The following PKD1 variants were observed in gnomAD, a reference collection of about 807,000 sequenced individuals.
PKD1 encodes polycystin-1.
PKD1 carries 81 observed loss-of-function variants against 361.7 expected under a neutral mutation model. That is an observed-to-expected ratio of 0.22 (90% confidence interval 0.19 to 0.27). The LOEUF (loss-of-function observed/expected upper bound fraction) is 0.27. PKD1 is among the 10% of genes least tolerant of loss of function. The pLI, the probability that PKD1 is intolerant of heterozygous loss-of-function variation, is 1.00. For missense variants in PKD1, 6,399 were observed against 6,118.3 expected, an observed-to-expected ratio of 1.05 and a Z score of -1.53; for synonymous variants, 3,615 against 2,818.3, an observed-to-expected ratio of 1.28 and a Z score of -8.95.
In PKD1 at chr16:2,115,460, C is replaced by A. The variant is rs1479167632; in HGVS notation, c.2015G>T (p.Gly672Val). ...ATAGGGGGCCCCGGGTAGCCCTGGCCCTGACGTGCAGCCATTGGCGCAGGC... is the reference window on the plus strand; with the variant it reads ...ATAGGGGGCCCCGGGTAGCCCTGGCACTGACGTGCAGCCATTGGCGCAGGC... ...PQACANGCTS[G>V]PGLPGAPYAL... Residue 672 changes from glycine to valine, a missense_variant, in exon 10 of 46, where the codon GGG (glycine) becomes GTG (valine). Physicochemically the swap from Gly to Val is moderately radical, Grantham distance 109 (BLOSUM62 -3). Transcript: ENST00000262304. 6.2e-7 allele frequency: 1 copy of A among 1,600,816 alleles called. No homozygotes were observed.
rs2092463765 is a variant in PKD1 at position 2,110,187 on chromosome 16, G to T, written c.4980C>A (p.Thr1660=). 6.2e-7 allele frequency: 1 copy of T among 1,611,164 alleles called. No individual in the cohort carries two copies. The highest frequency in any genetic ancestry group is 1.7e-5 in the Admixed American group (1 of 59,978). The change falls in exon 15 of 46, where the codon ACC becomes ACA. Residue 1660 remains threonine (T), a synonymous_variant. Coordinates refer to ENST00000262304, the MANE Select transcript of PKD1 (RefSeq NM_001009944.3). The stretch of plus-strand genomic sequence containing the variant: ...AGGCAGTCCAGCTGTAGGAGACGTT[G>T]GTGCCATCCCTAACCACGGCCTGCA... ...VQLQAVVRDG[T]NVSYSWTAWR... is the part of the protein sequence containing the mutation.
At position 2,090,532 on chromosome 16, in the gene PKD1, C is replaced by A. The variant is rs750086263; in HGVS notation, c.12197G>T (p.Cys4066Phe). ...WSVAQALLVLCPGTGLSTLCP... is the reference protein window; with the variant it reads ...WSVAQALLVLFPGTGLSTLCP... ...CAGGGTAGAGAGCCCAGTCCCAGGG[C>A]ACAGCACCAACAGGGCCTGGGCCAC... The change falls in exon 45 of 46, where the codon TGC becomes TTC. Residue 4066 changes from cysteine (C) to phenylalanine (F), a missense_variant. Transcript: ENST00000262304. The A allele has an allele frequency of 6.2e-7, 1 of 1,610,468 alleles. No homozygotes were observed. Among genetic ancestry groups the A allele is most frequent in the South Asian group, 1.1e-5 (1 of 90,966 alleles).
rs772869773 is a variant in PKD1 at position 2,090,326 on chromosome 16, G to A, written c.12403C>T (p.Arg4135Cys). The A allele has an allele frequency of 1.7e-5, 27 of 1,612,002 alleles. No individual in the cohort carries two copies. Among genetic ancestry groups the A allele is most frequent in the South Asian group, 6.6e-5 (6 of 91,052 alleles). The change falls in exon 45 of 46, where the codon CGC becomes TGC. Residue 4135 changes from arginine (R) to cysteine (C), a missense_variant. Arg to Cys is a radical substitution (Grantham distance 180). Coordinates refer to ENST00000262304, the MANE Select transcript of PKD1 (RefSeq NM_001009944.3). ...QDYEMVELFL[R>C]RLRLWMGLSK... is the part of the protein sequence containing the mutation. ...AGGCCCATCCAGAGGCGCAGCCTGC[G>A]CAGGAACAACTCCACCATCTCGTAG...
Position 2,135,655 on chromosome 16 carries a change from G to A in PKD1, c.35C>T (p.Ala12Val). 2 of 795,104 alleles carry A rather than the reference G, an allele frequency of 2.5e-6. No homozygotes were observed. Among genetic ancestry groups the A allele is most frequent in the Non-Finnish European group, 1.5e-6 (1 of 657,624 alleles). The allele number at this position is 795,104 out of a possible 1,614,324, so 49.3% of individuals were successfully genotyped here. A position where few individuals can be genotyped will look rare whatever the true frequency, so the allele number is the denominator to read the frequency against. ...CCCGAGCCACAGGCCCAGGCCCAGG[G>A]CCAGCGCCAGGCGGGCGGGCGCGGC... The part of the protein sequence containing the change: ...PPAAPARLAL[A>V]LGLGLWLGAL... Residue 12 changes from alanine to valine, a missense_variant, in exon 1 of 46, where the codon GCC becomes GTC. Coordinates refer to ENST00000262304, the MANE Select transcript of PKD1 (RefSeq NM_001009944.3).
At chr16:2,095,344 C>G (rs535211470) in intron 34 of PKD1, 1 of 152,282 alleles carries the variant, frequency 6.6e-6, no homozygotes, top group Non-Finnish European at 1.5e-5. Flanking sequence ...ACGTGGGAGG[C>G]AGACTTTGCA....
intron 1 of PKD1, among the ~76,000 whole-genome samples, chr16:2,124,385 G>C (rs1258259553): frequency 1.3e-5 from 2 of 152,236 alleles, no homozygotes; most frequent in Non-Finnish European, 2.9e-5. Flanking sequence ...CTCCCCCTGG[G>C]CTCTGCCCAC....
chr16:2,110,754 G>A lies in PKD1; in HGVS notation c.4413C>T (p.Ile1471=). The change falls in exon 15 of 46, where the codon ATC becomes ATT. Residue 1471 remains isoleucine, a synonymous_variant. Coordinates refer to ENST00000262304, the MANE Select transcript of PKD1 (RefSeq NM_001009944.3). Reference sequence around the variant, plus strand: ...CCAGCCCAAGGGAGCCATTGACCTTGATGCTGGTGACCAGCACGGGCTCCT... The same window carrying A: ...CCAGCCCAAGGGAGCCATTGACCTTAATGCTGGTGACCAGCACGGGCTCCT... The part of the protein sequence containing the change: ...EVQEPVLVTS[I]KVNGSLGLEL... The A allele has an allele frequency of 1.2e-6, 2 of 1,610,540 alleles. No homozygotes were observed. The highest frequency in any genetic ancestry group is 1.1e-5 in the South Asian group (1 of 90,988).
rs374701548 is a variant in PKD1, at chr16:2,090,677, G to A, written c.12135C>T (p.Ile4045=). ...VLGVAYAQLA[I]LLVSSCVDSL... is the part of the protein sequence containing the mutation. ...CCCCGGCCGCGCAGTCACCTACCAG[G>A]ATGGCCAGCTGGGCGTAGGCTACCC... is the stretch of plus-strand genomic sequence containing the variant. The change falls in exon 44 of 46, where the codon ATC becomes ATT. Residue 4045 remains isoleucine, a synonymous_variant. Transcript: ENST00000262304. 5.6e-6 allele frequency: 9 copies of A among 1,611,990 alleles called. No individual in the cohort carries two copies. The highest frequency in any genetic ancestry group is 1.6e-4 in the Middle Eastern group (1 of 6,084).
chr16:2,089,534 G>C lies in PKD1; in HGVS notation c.*193C>G. 1.5e-6 allele frequency: 1 copy of C among 652,010 alleles called. No homozygotes were observed. The highest frequency in any genetic ancestry group is 2.7e-6 in the Non-Finnish European group (1 of 376,800). 40.4% of individuals were successfully genotyped at this position (652,010 alleles called of 1,614,324 possible). On this transcript the variant is annotated 3_prime_UTR_variant, in exon 46 of 46. Transcript: ENST00000262304. ...GTCCTTCCCAAGGGAGCTGGGGAGGGGACCCTGGGTCCTGGTTGGCCACAC... is the reference window on the plus strand; with the variant it reads ...GTCCTTCCCAAGGGAGCTGGGGAGGCGACCCTGGGTCCTGGTTGGCCACAC...
chr16:2,091,996 A>G (rs917172938), intron 40 of PKD1, 51 bp downstream of exon 40: 2 of 1,612,454 alleles, frequency 1.2e-6, no homozygotes, highest in African/African-American at 1.3e-5. Flanking sequence ...ACTCCTGGAG[A>G]ACTACTCCCT....
chr16:2,125,715 G>A (rs1195764400), intron 1 of PKD1, among the ~76,000 whole-genome samples: 5 of 151,974 alleles, frequency 3.3e-5, no homozygotes, highest in African/African-American at 4.8e-5. Context: ...GCTACCTGCC[G>A]CTGGGGTCGG....
chr16:2,097,853 C>T lies in PKD1; in HGVS notation c.10167+15G>A, dbSNP rs1567165727. On this transcript the variant is annotated intron_variant, in intron 31 of 45. Coordinates refer to ENST00000262304, the MANE Select transcript of PKD1 (RefSeq NM_001009944.3). ...GACCCCCAGCCCAGCCCAGGACCCC[C>T]AGTAGAGTCCTCACCTCAGCGTGGA... The T allele has an allele frequency of 1.9e-6, 3 of 1,605,764 alleles. No homozygotes were observed. In the African/African-American group the frequency reaches 4.0e-5, roughly 21 times the overall value.
At chr16:2,127,631 G>T (rs914221755) in intron 1 of PKD1, among the ~76,000 whole-genome samples, 5 of 151,884 alleles carry the variant, frequency 3.3e-5, no homozygotes, top group African/African-American at 1.2e-4. Context: ...AACCGACAGA[G>T]CTACTTTAAC....
intron 32 of PKD1, 63 bp from the exon 33 acceptor site, chr16:2,097,566 C>A: frequency 1.2e-6 from 2 of 1,604,922 alleles, no homozygotes; most frequent in Non-Finnish European, 1.7e-6. Context: ...CCACCCCCGT[C>A]CAGTCACGCA....
intron 1 of PKD1, among the ~76,000 whole-genome samples, chr16:2,120,467 G>A (rs907235443): frequency 6.6e-6 from 1 of 152,198 alleles, no homozygotes; most frequent in Non-Finnish European, 1.5e-5. Context: ...GCTTATGCCT[G>A]TAAACCCAGT....
At position 2,135,535 on chromosome 16, in the gene PKD1, G is replaced by C. The variant is rs2092940490; in HGVS notation, c.155C>G (p.Ser52Trp). The change falls in exon 1 of 46, where the codon TCG (serine) becomes TGG (tryptophan). Residue 52 changes from serine (S) to tryptophan (W), a missense_variant. Physicochemically the swap from Ser to Trp is radical, Grantham distance 177 (BLOSUM62 -3). Transcript: ENST00000262304. ...ACCGAGCGTCCGCAGCCCGCGGCCC[G>C]AGCAGTTGACGCGGCAGGCGGCGCC... ...APGAACRVNC[S>W]GRGLRTLGPA... 8.6e-7 allele frequency: 1 copy of C among 1,158,100 alleles called. No individual in the cohort carries two copies. Among genetic ancestry groups the C allele is most frequent in the Non-Finnish European group, 1.1e-6 (1 of 940,638 alleles). 71.7% of individuals were successfully genotyped at this position (1,158,100 alleles called of 1,614,324 possible). A position where few individuals can be genotyped will look rare whatever the true frequency, so the allele number is the denominator to read the frequency against.
In PKD1 at chr16:2,100,889, G is replaced by A. The variant is rs1363055816; in HGVS notation, c.9398-323C>T. ...ACGCCTCAGTCATGCCACAACCGGT[G>A]ACCCGCACCACACACCCGTCCCTCA... is the stretch of plus-strand genomic sequence containing the variant. On this transcript the variant is annotated intron_variant, in intron 26 of 45. Transcript: ENST00000262304. This position sits in a 1 kb window ranked among gnomAD's most constrained non-coding sequence, Gnocchi z 4.4. 2.2e-6 allele frequency: 1 copy of A among 452,412 alleles called. No homozygotes were observed. The highest frequency in any genetic ancestry group is 3.5e-5 in the Admixed American group (1 of 28,560). 28.0% of individuals were successfully genotyped at this position (452,412 alleles called of 1,614,324 possible).
intron 1 of PKD1, among the ~76,000 whole-genome samples, chr16:2,126,672 G>C (rs1009868427): frequency 2.6e-5 from 4 of 152,256 alleles, no homozygotes; most frequent in African/African-American, 4.8e-5. Context: ...GCCAGGCCCA[G>C]ACAGCAGCGG....
At chr16:2,127,302 C>T (rs1249737488) in intron 1 of PKD1, among the ~76,000 whole-genome samples, 1 of 152,190 alleles carries the variant, frequency 6.6e-6, no homozygotes, top group Non-Finnish European at 1.5e-5. Flanking sequence ...TTCCCAGCCC[C>T]GCACGTCTCA....
Sources: gnomAD v4.1 joint callset for allele counts (sites outside exome capture counted in the v4.1 genomes callset) on GRCh38, gnomAD v4.1.1 for gene constraint, Gnocchi (gnomAD v3.1) non-coding constraint, MANE v1.5 for transcripts, NCBI Gene and HGNC (gene_info 2026-07-23, HGNC 2026-07-21) for gene names.